The following CDK2 variants were observed in gnomAD, a reference collection of about 807,000 sequenced individuals.
The protein encoded by CDK2 is cyclin-dependent kinase 2.
In CDK2, 8 loss-of-function variants were observed where a neutral mutation model predicts 35.0. The ratio of observed to expected loss-of-function variants is 0.23; its 90% confidence interval spans 0.13 to 0.41. The LOEUF (loss-of-function observed/expected upper bound fraction) is 0.41, where lower values mean the gene tolerates loss of function less well. Ranked by LOEUF, CDK2 falls within the 10% of genes least tolerant of loss-of-function variation. The probability of loss-of-function intolerance (pLI) is 1.00; values close to 1 mark genes in which losing one functional copy is unlikely to be tolerated. For missense variants in CDK2, 201 were observed against 367.1 expected (o/e 0.55, Z 3.70); for synonymous variants, 134 against 137.7 (o/e 0.97, Z 0.19).
chr12:55,969,959 T>A (rs1321331714), intron 5 of CDK2: 2 of 156,982 alleles, frequency 1.3e-5, no homozygotes, highest in African/African-American at 4.8e-5. Flanking sequence ...AAGACAACTG[T>A]GGTCACTTTA....
chr12:55,967,569 C>T (rs1889360235), intron 1 of CDK2: 1 of 485,118 alleles, frequency 2.1e-6, no homozygotes, highest in African/African-American at 1.9e-5. Flanking sequence ...TCTGGGGAGG[C>T]TGGGGGCTAC....
Position 55,971,825 on chromosome 12 carries a change from T to C in CDK2, c.*200T>C, listed in dbSNP as rs2136462102. 1 of 552,768 alleles carries C rather than the reference T, an allele frequency of 1.8e-6. No individual in the cohort carries two copies. The highest frequency in any genetic ancestry group is 1.9e-5 in the African/African-American group (1 of 52,120). The allele number at this position is 552,768 out of a possible 1,614,324, so 34.2% of individuals were successfully genotyped here. On this transcript the variant is annotated 3_prime_UTR_variant, in exon 7 of 7. Transcript: ENST00000266970. ...TGAAAATGAAAGGAAGTTTCAGTAT[T>C]AGATGCACTTAAGTTAGCCTCCACC...
chr12:55,971,407 G>A (rs2136461520), intron 6 of CDK2, 114 bp from the exon 7 acceptor site: 1 of 1,104,406 alleles, frequency 9.1e-7, no homozygotes, highest in East Asian at 2.4e-5. Context: ...GAGGATGGAA[G>A]TGAGAATTCT....
Position 55,966,949 on chromosome 12 carries a change from T to C in CDK2, c.-60T>C. 7.3e-7 allele frequency: 1 copy of C among 1,366,350 alleles called. No homozygotes were observed. Among genetic ancestry groups the C allele is most frequent in the Non-Finnish European group, 1.0e-6 (1 of 977,162 alleles). 84.6% of individuals were successfully genotyped at this position (1,366,350 alleles called of 1,614,324 possible). A position where few individuals can be genotyped will look rare whatever the true frequency, so the allele number is the denominator to read the frequency against. On this transcript the variant is annotated 5_prime_UTR_variant, in exon 1 of 7. Transcript: ENST00000266970. Reference sequence around the variant, plus strand: ...CGGCCCCCGAGAGCCAGGGTCCGCCTTCTGCAGGGTTCCCAGGCCCCCGCT... The same window carrying C: ...CGGCCCCCGAGAGCCAGGGTCCGCCCTCTGCAGGGTTCCCAGGCCCCCGCT...
rs1465736728 is a variant in CDK2 at position 55,972,231 on chromosome 12, C to T, written c.*606C>T. Reference sequence around the variant, plus strand: ...CAGAAAAATGATTGGCCCCAGTCCCCTTGTTTGTCCCTTCTACAGGCATGA... The same window carrying T: ...CAGAAAAATGATTGGCCCCAGTCCCTTTGTTTGTCCCTTCTACAGGCATGA... On this transcript the variant is annotated 3_prime_UTR_variant, in exon 7 of 7. Coordinates refer to ENST00000266970, the MANE Select transcript of CDK2 (RefSeq NM_001798.5). The T allele has an allele frequency of 6.6e-6, 1 of 152,340 alleles. No individual in the cohort carries two copies. The highest frequency in any genetic ancestry group is 1.5e-5 in the Non-Finnish European group (1 of 68,146). 9.4% of individuals were successfully genotyped at this position (152,340 alleles called of 1,614,324 possible).
rs373277065 is a variant in CDK2 at position 55,968,203 on chromosome 12, C to T, written c.315+34C>T. 3.7e-6 allele frequency: 6 copies of T among 1,611,452 alleles called. No homozygotes were observed. In the African/African-American group the frequency reaches 8.0e-5, roughly 22 times the overall value. On this transcript the variant is annotated intron_variant, in intron 3 of 6. Transcript: ENST00000266970. ...TCTCATCAGCTCCTCTCATCATGGGCATGTCTTGGGGGACTGGTGGCAGGC... is the reference window on the plus strand; with the variant it reads ...TCTCATCAGCTCCTCTCATCATGGGTATGTCTTGGGGGACTGGTGGCAGGC...
chr12:55,971,656 C>A lies in CDK2; in HGVS notation c.*31C>A, dbSNP rs1431639436. On this transcript the variant is annotated 3_prime_UTR_variant, in exon 7 of 7. Transcript: ENST00000266970. ...TTCTTGAAGCCCCCAGCCCTAATCT[C>A]ACCCTCTCCTCCAGTGTGGGCTTGA... 1 of 1,494,644 alleles carries A rather than the reference C, an allele frequency of 6.7e-7. No individual in the cohort carries two copies. The highest frequency in any genetic ancestry group is 9.3e-7 in the Non-Finnish European group (1 of 1,070,966). The allele number at this position is 1,494,644 out of a possible 1,614,324, so 92.6% of individuals were successfully genotyped here. A position where few individuals can be genotyped will look rare whatever the true frequency, so the allele number is the denominator to read the frequency against.
rs374494562 is a variant in CDK2 at position 55,969,435 on chromosome 12, C to G, written c.487-40C>G. ...AACTGAGATGCGGGAATTTCCATACCCTATAAACCACCCCGCCCCTCCCTA... is the reference window on the plus strand; with the variant it reads ...AACTGAGATGCGGGAATTTCCATACGCTATAAACCACCCCGCCCCTCCCTA... On this transcript the variant is annotated intron_variant, in intron 4 of 6. Coordinates refer to ENST00000266970, the MANE Select transcript of CDK2 (RefSeq NM_001798.5). 5.2e-6 allele frequency: 6 copies of G among 1,151,270 alleles called. No individual in the cohort carries two copies. The African/African-American group carries it at 9.3e-5, about 18-fold the overall frequency. 71.3% of individuals were successfully genotyped at this position (1,151,270 alleles called of 1,614,324 possible).
At position 55,971,549 on chromosome 12, in the gene CDK2, G is replaced by A; in HGVS notation, c.821G>A (p.Arg274Gln). 1.2e-6 allele frequency: 2 copies of A among 1,614,086 alleles called. No individual in the cohort carries two copies. Among genetic ancestry groups the A allele is most frequent in the Non-Finnish European group, 1.7e-6 (2 of 1,179,962 alleles). ...SQMLHYDPNK[R>Q]ISAKAALAHP... ...ATGCTGCACTACGACCCTAACAAGC[G>A]GATTTCGGCCAAGGCAGCCCTGGCT... The change falls in exon 7 of 7, where the codon CGG becomes CAG. Residue 274 changes from arginine (R) to glutamine (Q), a missense_variant. This residue lies in a region of CDK2 where 106 missense variants were observed against 141.3 expected (regional missense o/e 0.75). Transcript: ENST00000266970.
chr12:55,971,052 C>T lies in CDK2; in HGVS notation c.597C>T (p.Arg199=). 6.2e-7 allele frequency: 1 copy of T among 1,614,068 alleles called. No individual in the cohort carries two copies. Among genetic ancestry groups the T allele is most frequent in the Non-Finnish European group, 8.5e-7 (1 of 1,179,948 alleles). Reference sequence around the variant, plus strand: ...TCTTTCCCCATTTTCAGGTGACTCGCCGGGCCCTATTCCCTGGAGATTCTG... The same window carrying T: ...TCTTTCCCCATTTTCAGGTGACTCGTCGGGCCCTATTCCCTGGAGATTCTG... ...LGCIFAEMVT[R]RALFPGDSEI... The change falls in exon 6 of 7, where the codon CGC becomes CGT. Residue 199 remains arginine (R), a synonymous_variant. Transcript: ENST00000266970.
chr12:55,969,336 G>T (rs1469773191), intron 4 of CDK2, 139 bp from the exon 5 acceptor site: 2 of 495,212 alleles, frequency 4.0e-6, no homozygotes, highest in African/African-American at 2.0e-5. Flanking sequence ...CTGGAAATCA[G>T]TGGGAGGGGA....
intron 6 of CDK2, 34 bp from the exon 7 acceptor site, chr12:55,971,487 C>A: frequency 6.7e-7 from 1 of 1,489,252 alleles, no homozygotes; most frequent in Non-Finnish European, 9.4e-7. Flanking sequence ...TCCACTATCA[C>A]ATCATTGAAG....
intron 5 of CDK2, 133 bp from the exon 6 acceptor site, chr12:55,970,911 C>G (rs1227131256): frequency 6.3e-6 from 5 of 795,322 alleles, no homozygotes; most frequent in African/African-American, 5.1e-5. Flanking sequence ...GTGACTGACC[C>G]CATGAAAGGC....
At chr12:55,971,459 C>T in intron 6 of CDK2, 62 bp from the exon 7 acceptor site, 1 of 1,309,832 alleles carries the variant, frequency 7.6e-7, no homozygotes, top group Non-Finnish European at 1.1e-6. Context: ...TTTCTGGGAA[C>T]ACCTGCTGCC....
chr12:55,969,643 AC>A (rs1889424461), intron 5 of CDK2, 67 bp downstream of exon 5: 1 of 877,230 alleles, frequency 1.1e-6, no homozygotes, highest in African/African-American at 1.7e-5. Flanking sequence ...GAACAACAGA[AC>A]TGCTTCTTGG....
At position 55,966,841 on chromosome 12, in the gene CDK2, T is replaced by G; in HGVS notation, c.-168T>G. On this transcript the variant is annotated 5_prime_UTR_variant, in exon 1 of 7. Coordinates refer to ENST00000266970, the MANE Select transcript of CDK2 (RefSeq NM_001798.5). ...TGGGAGGCGGCAACATTGTTTCAAG[T>G]TGGCCAAATTGACAAGAGCGAGAGG... 2 of 846,084 alleles carry G rather than the reference T, an allele frequency of 2.4e-6. No homozygotes were observed. The highest frequency in any genetic ancestry group is 3.5e-6 in the Non-Finnish European group (2 of 577,436). 52.4% of individuals were successfully genotyped at this position (846,084 alleles called of 1,614,324 possible).
At chr12:55,970,660 G>C in intron 5 of CDK2, 1 of 702,364 alleles carries the variant, frequency 1.4e-6, no homozygotes, top group Non-Finnish European at 2.6e-6. Flanking sequence ...ATGGAAGACA[G>C]AGTCTCTGCC....
In CDK2 at chr12:55,968,739, G is replaced by A. The variant is rs753730566; in HGVS notation, c.316-39G>A. On this transcript the variant is annotated intron_variant, in intron 3 of 6. Transcript: ENST00000266970. The stretch of plus-strand genomic sequence containing the variant: ...ACAGAGCAAACCCAGTCTGCTCACT[G>A]TAATGGAGAAACACAGTCCTCTCTT... 5.2e-6 allele frequency: 8 copies of A among 1,535,286 alleles called. No homozygotes were observed. In the South Asian group the frequency reaches 1.0e-4, roughly 19 times the overall value.
chr12:55,967,424 A>ACT (rs1889354231), intron 1 of CDK2: 1 of 470,650 alleles, frequency 2.1e-6, no homozygotes, highest in Non-Finnish European at 3.9e-6. Context: ...GAGGTCCAAG[A>ACT]CTCTCCATGG....
Sources: allele counts gnomAD v4.1 joint callset, GRCh38; gene constraint gnomAD v4.1.1; regional missense constraint gnomAD v4.1.1; transcripts MANE v1.5; gene names NCBI Gene and HGNC (gene_info 2026-07-23, HGNC 2026-07-21).